Variants in PPFIBP2 observed in about 807,000 individuals in gnomAD.
The protein encoded by PPFIBP2 is liprin-beta-2.
Under a neutral mutation model 118.3 loss-of-function variants are expected in PPFIBP2, and 118 were observed. The observed-to-expected ratio is 1.00, with a 90% CI of 0.86 to 1.16. The LOEUF (loss-of-function observed/expected upper bound fraction) is 1.16. Ranked by LOEUF, PPFIBP2 falls within the 50% of genes most tolerant of loss-of-function variation. The probability of loss-of-function intolerance (pLI) is 0.00; values close to 1 mark genes in which losing one functional copy is unlikely to be tolerated. For synonymous variants in PPFIBP2, 414 were observed against 397.4 expected, an observed-to-expected ratio of 1.04 and a Z score of -0.50; for missense variants, 1,195 against 1,073.1, an observed-to-expected ratio of 1.11 and a Z score of -1.59.
At chr11:7,538,110 T>C (rs1418725995) in intron 1 of PPFIBP2, among the ~76,000 whole-genome samples, 1 of 152,188 alleles carries the variant, frequency 6.6e-6, no homozygotes, top group Non-Finnish European at 1.5e-5. Context: ...CTTCTTAGTG[T>C]TCCTGAAGCC....
At position 7,609,168 on chromosome 11, in the gene PPFIBP2, T is replaced by G. The variant is rs575494179; in HGVS notation, c.487-1123T>G. ...AAATTTCTGTCCCGTGTGGTTTGAT[T>G]CATAATCTGAGGACGGTTCCAAATC... On this transcript the variant is annotated intron_variant, in intron 5 of 23. Transcript: ENST00000299492. Among the ~76,000 whole-genome samples, 220 of 152,350 alleles carry G rather than the reference T, an allele frequency of 1.4e-3. 1 individual carries two copies. Among genetic ancestry groups the G allele is most frequent in the African/African-American group, 5.2e-3 (215 of 41,592 alleles).
chr11:7,616,484 G>T lies in PPFIBP2; in HGVS notation c.619-4451G>T, dbSNP rs149484066. Reference sequence around the variant, plus strand: ...TGAGTCTCGTCAGATTGGCCTTATCGGTTTGGCCGGGAATGTGTCGTGTGG... The same window carrying T: ...TGAGTCTCGTCAGATTGGCCTTATCTGTTTGGCCGGGAATGTGTCGTGTGG... On this transcript the variant is annotated intron_variant, in intron 6 of 23. Transcript: ENST00000299492. The surrounding 1 kb of genome is among the most constrained non-coding windows in gnomAD (Gnocchi z 5.2). Among the ~76,000 whole-genome samples the T allele has an allele frequency of 6.6e-6, 1 of 152,188 alleles. No homozygotes were observed. Among genetic ancestry groups the T allele is most frequent in the South Asian group, 2.1e-4 (1 of 4,834 alleles).
chr11:7,584,731 A>AT (rs1857824009), intron 3 of PPFIBP2, among the ~76,000 whole-genome samples: 1 of 152,126 alleles, frequency 6.6e-6, no homozygotes, highest in Non-Finnish European at 1.5e-5. Context: ...TGATCCAATC[A>AT]TTTTTGTTTA....
chr11:7,605,670 G>A lies in PPFIBP2; in HGVS notation c.487-4621G>A, dbSNP rs1447885691. ...CCTCAAGGTACAGAGTTGATAAGGA[G>A]AACAATGTTGCTTCAAGGAAGTTGA... On this transcript the variant is annotated intron_variant, in intron 5 of 23. Transcript: ENST00000299492. 7 of 1,281,302 alleles carry A rather than the reference G, an allele frequency of 5.5e-6. No homozygotes were observed. The East Asian group carries it at 2.3e-4, about 42-fold the overall frequency. The allele number at this position is 1,281,302 out of a possible 1,614,324, so 79.4% of individuals were successfully genotyped here. A position where few individuals can be genotyped will look rare whatever the true frequency, so the allele number is the denominator to read the frequency against.
At chr11:7,606,973 C>T (rs187660294) in intron 5 of PPFIBP2, among the ~76,000 whole-genome samples, 2,078 of 122,920 alleles carry the variant, frequency 0.017, 50 homozygotes, top group African/African-American at 0.06. Context: ...TGCAGTGGCA[C>T]GATCTCGGCT....
intron 1 of PPFIBP2, among the ~76,000 whole-genome samples, chr11:7,546,220 T>C (rs1852318247): frequency 6.6e-6 from 1 of 152,236 alleles, no homozygotes; most frequent in Non-Finnish European, 1.5e-5. Context: ...ATAATGGATT[T>C]AAGTGGTTTT....
intron 5 of PPFIBP2, among the ~76,000 whole-genome samples, chr11:7,605,120 AAC>A (rs1847179150): frequency 6.6e-6 from 1 of 152,224 alleles, no homozygotes; most frequent in African/African-American, 2.4e-5. Context: ...TGAACTAGGG[AAC>A]AGTTTTCAAA....
At chr11:7,538,805 A>G (rs1233568209) in intron 1 of PPFIBP2, among the ~76,000 whole-genome samples, 2 of 152,162 alleles carry the variant, frequency 1.3e-5, no homozygotes, top group African/African-American at 2.4e-5. Flanking sequence ...ATCCCCTGCC[A>G]CCACCCAGCA....
chr11:7,527,973 G>A (rs1047050690), intron 1 of PPFIBP2, among the ~76,000 whole-genome samples: 12 of 152,174 alleles, frequency 7.9e-5, no homozygotes, highest in African/African-American at 2.9e-4. Flanking sequence ...GCCTTTCAGG[G>A]CTTTAACTGA....
chr11:7,610,489 A>C (rs1414466653), intron 6 of PPFIBP2, 67 bp downstream of exon 6: 1 of 1,582,626 alleles, frequency 6.3e-7, no homozygotes, highest in East Asian at 2.3e-5. Flanking sequence ...AATTTAGGCC[A>C]TCTGGTCAAC....
At chr11:7,638,512 T>C (rs1193569052) in intron 14 of PPFIBP2, among the ~76,000 whole-genome samples, 2 of 152,240 alleles carry the variant, frequency 1.3e-5, no homozygotes, top group African/African-American at 4.8e-5. Context: ...CTAGGACATA[T>C]GTTTATAAGC....
At chr11:7,558,753 CAA>C (rs573342518) in intron 2 of PPFIBP2, among the ~76,000 whole-genome samples, 7 of 133,626 alleles carry the variant, frequency 5.2e-5, no homozygotes, top group African/African-American at 7.9e-5. Flanking sequence ...AACTCTGTCT[CAA>C]AAAAAAAAAA....
At chr11:7,644,896 G>A (rs1418866114) in intron 17 of PPFIBP2, among the ~76,000 whole-genome samples, 11 of 150,782 alleles carry the variant, frequency 7.3e-5, no homozygotes, top group Admixed American at 4.6e-4. Flanking sequence ...GCGTGGTGGC[G>A]GGCGCCTGTA....
intron 3 of PPFIBP2, among the ~76,000 whole-genome samples, chr11:7,569,475 T>G (rs1036355940): frequency 6.6e-6 from 1 of 152,224 alleles, no homozygotes; most frequent in South Asian, 2.1e-4. Context: ...TAGAAGGGCA[T>G]GTGCAAGGCT....
At chr11:7,521,065 T>C (rs1849714594) in intron 1 of PPFIBP2, among the ~76,000 whole-genome samples, 1 of 152,236 alleles carries the variant, frequency 6.6e-6, no homozygotes, top group African/African-American at 2.4e-5. Context: ...GACTGCTGAC[T>C]CCGAGCTTTG....
intron 3 of PPFIBP2, chr11:7,569,040 G>A (rs185959241): frequency 2.6e-5 from 4 of 152,350 alleles, no homozygotes; most frequent in African/African-American, 9.6e-5. Context: ...GAGCATCTGT[G>A]GTCCATCAGA....
At chr11:7,641,707 T>C (rs1852224045) in intron 16 of PPFIBP2, 87 bp downstream of exon 16, 4 of 1,328,028 alleles carry the variant, frequency 3.0e-6, no homozygotes, top group Admixed American at 4.0e-5. Context: ...CCTGGTCCAA[T>C]AGACACTGAA....
chr11:7,636,229 A>C (rs1469545861), intron 14 of PPFIBP2, among the ~76,000 whole-genome samples: 1 of 152,162 alleles, frequency 6.6e-6, no homozygotes, highest in Non-Finnish European at 1.5e-5. Flanking sequence ...GTCCATATGA[A>C]ACATGGAGCT....
chr11:7,652,974 G>A (rs1162336120), intron 23 of PPFIBP2, 50 bp from the exon 24 acceptor site: 2 of 1,558,368 alleles, frequency 1.3e-6, no homozygotes, highest in Non-Finnish European at 8.7e-7. Context: ...AGTCATACCT[G>A]CACACTGCCT....
Sources: allele counts gnomAD v4.1 joint callset (sites outside exome capture counted in the v4.1 genomes callset), GRCh38; gene constraint gnomAD v4.1.1; non-coding constraint Gnocchi (gnomAD v3.1); transcripts MANE v1.5; gene names NCBI Gene and HGNC (gene_info 2026-07-23, HGNC 2026-07-21).